WDR90: variants seen among roughly 807,000 people sequenced by gnomAD.
WDR90 encodes the protein WD repeat-containing protein 90.
Under a neutral mutation model 195.2 loss-of-function variants are expected in WDR90, and 238 were observed. That is an observed-to-expected ratio of 1.22 (90% confidence interval 1.10 to 1.36). WDR90 has a LOEUF of 1.36. Among genes scored for constraint, WDR90 ranks in the 40% most tolerant of loss-of-function variants. The pLI is 0.00. For missense variants in WDR90, 2,734 were observed against 2,439.5 expected, an observed-to-expected ratio of 1.12 and a Z score of -2.54; for synonymous variants, 1,265 against 1,052.4, an observed-to-expected ratio of 1.20 and a Z score of -3.91.
At chr16:649,313 T>C (rs1028316771), upstream of WDR90, 7 of 1,275,136 alleles carry the variant, frequency 5.5e-6, no homozygotes, top group African/African-American at 3.1e-5. Context: ...GCGGAAGTAA[T>C]GGCGGAAGTG....
rs199662983 is a variant in WDR90 at position 665,745 on chromosome 16, C to T, written c.4378C>T (p.Arg1460Trp). ...CATCSEDGSV[R>W]VWALASMELV... ...CACATGCAGTGAGGATGGGAGTGTG[C>T]GGGTGTGGGCCTTGGCCAGCATGGA... Residue 1460 changes from arginine (R) to tryptophan (W), a missense_variant, in exon 35 of 41, where the codon CGG becomes TGG. Arg to Trp is a moderately radical substitution (Grantham distance 101). Coordinates refer to ENST00000293879, the MANE Select transcript of WDR90 (RefSeq NM_145294.5). The T allele has an allele frequency of 3.0e-4, 486 of 1,597,472 alleles. No homozygotes were observed. The Admixed American group carries it at 3.1e-3, about 10-fold the overall frequency.
rs1020580439 is a variant in WDR90 at position 660,900 on chromosome 16, C to G, written c.3392-151C>G. The stretch of plus-strand genomic sequence containing the variant: ...TGTGAAGCACTTTGGCTACTGGACG[C>G]TGGGGAGGGCGCAGCTGGGACGATG... On this transcript the variant is annotated intron_variant, in intron 28 of 40. Transcript: ENST00000293879. 4.6e-5 allele frequency: 39 copies of G among 841,448 alleles called. No homozygotes were observed. The African/African-American group carries it at 7.5e-4, about 16-fold the overall frequency. The allele number at this position is 841,448 out of a possible 1,614,324, so 52.1% of individuals were successfully genotyped here. A position where few individuals can be genotyped will look rare whatever the true frequency, so the allele number is the denominator to read the frequency against.
In WDR90 at chr16:666,305, C is replaced by A; in HGVS notation, c.4695C>A (p.Asp1565Glu). 1.2e-6 allele frequency: 2 copies of A among 1,612,752 alleles called. No homozygotes were observed. The highest frequency in any genetic ancestry group is 1.7e-6 in the Non-Finnish European group (2 of 1,179,998). Reference sequence around the variant, plus strand: ...GGACAACCTTCCGTGTGCTGAGTGACCACCAGGGCGCCCCAATCTCTACCA... The same window carrying A: ...GGACAACCTTCCGTGTGCTGAGTGAACACCAGGGCGCCCCAATCTCTACCA... ...CTGTTFRVLS[D>E]HQGAPISTIC... Residue 1565 changes from aspartate (D) to glutamate (E), a missense_variant, in exon 37 of 41, where the codon GAC (aspartate) becomes GAA (glutamate). Coordinates refer to ENST00000293879, the MANE Select transcript of WDR90 (RefSeq NM_145294.5).
chr16:657,683 G>C, intron 20 of WDR90, 79 bp from the exon 21 acceptor site: 1 of 1,439,576 alleles, frequency 6.9e-7, no homozygotes. Flanking sequence ...TGGGGGCAGG[G>C]GCGGCGGCCT....
chr16:665,504 C>CAGGG (rs1356713906), intron 34 of WDR90, 175 bp from the exon 35 acceptor site: 36 of 973,200 alleles, frequency 3.7e-5, no homozygotes, highest in Non-Finnish European at 5.4e-5. Context: ...AGATCTAGTG[C>CAGGG]AGGGACACAC....
Position 651,633 on chromosome 16 carries a change from C to T in WDR90, c.737-11C>T. On this transcript the variant is annotated splice_polypyrimidine_tract_variant and intron_variant, in intron 7 of 40. Coordinates refer to ENST00000293879, the MANE Select transcript of WDR90 (RefSeq NM_145294.5). Reference sequence around the variant, plus strand: ...GCCCCTGGGTCACTGGGGTTCTTTGCTCTGTTCTAGTCCTCCTGGGGCCGG... The same window carrying T: ...GCCCCTGGGTCACTGGGGTTCTTTGTTCTGTTCTAGTCCTCCTGGGGCCGG... 11 of 1,611,460 alleles carry T rather than the reference C, an allele frequency of 6.8e-6. No homozygotes were observed. The highest frequency in any genetic ancestry group is 9.3e-6 in the Non-Finnish European group (11 of 1,179,524).
At chr16:657,976 G>A (rs1240595050) in intron 21 of WDR90, 84 bp downstream of exon 21, 22 of 1,472,088 alleles carry the variant, frequency 1.5e-5, no homozygotes, top group African/African-American at 7.1e-5. Flanking sequence ...ACGGCCACTC[G>A]GGAGCAGGAC....
At chr16:662,461 A>G (rs2037937934) in intron 33 of WDR90, 130 bp downstream of exon 33, 28 of 1,301,754 alleles carry the variant, frequency 2.2e-5, no homozygotes, top group Non-Finnish European at 2.9e-5. Flanking sequence ...CCTCCAAGGG[A>G]CAGGCTTGGG....
rs1255927649 is a variant in WDR90 at position 660,868 on chromosome 16, G to T, written c.3391+154G>T. ...GGTAGCGCCTCCTGGCGCTCCAGCC[G>T]AGGTCCTGTGAAGCACTTTGGCTAC... On this transcript the variant is annotated intron_variant, in intron 28 of 40. Transcript: ENST00000293879. 3.4e-5 allele frequency: 33 copies of T among 970,534 alleles called. 1 individual carries two copies. Among genetic ancestry groups the T allele is most frequent in the Non-Finnish European group, 1.4e-6 (1 of 690,080 alleles). The allele number at this position is 970,534 out of a possible 1,614,324, so 60.1% of individuals were successfully genotyped here. A position where few individuals can be genotyped will look rare whatever the true frequency, so the allele number is the denominator to read the frequency against.
At chr16:664,237 C>T (rs1222103579) in intron 34 of WDR90, among the ~76,000 whole-genome samples, 1 of 152,154 alleles carries the variant, frequency 6.6e-6, no homozygotes, top group Non-Finnish European at 1.5e-5. Context: ...CTCCCTGCTT[C>T]CCGCCTCCCC....
chr16:656,677 G>A, intron 18 of WDR90, 55 bp from the exon 19 acceptor site: 2 of 1,582,908 alleles, frequency 1.3e-6, no homozygotes, highest in Non-Finnish European at 1.7e-6. Context: ...CGCCTGGAGA[G>A]CCCCTGGGCC....
In WDR90 at chr16:662,677, AGTTCTGT is replaced by A; in HGVS notation, c.4149_4155del (p.Val1384TrpfsTer12). 6.5e-7 allele frequency: 1 copy of A among 1,541,066 alleles called. No homozygotes were observed. The highest frequency in any genetic ancestry group is 8.8e-7 in the Non-Finnish European group (1 of 1,141,308). On this transcript the variant is annotated splice_acceptor_variant and coding_sequence_variant, in exon 34 of 41. Coordinates refer to ENST00000293879, the MANE Select transcript of WDR90 (RefSeq NM_145294.5). LOFTEE classifies it high-confidence loss of function. Reference sequence around the variant, plus strand: ...TCTCCTTCCCTGCACCCTGAGGTCCAGTTCTGTGTTCATGGAACACGAGCTGGTGCTG... The same window carrying A: ...TCTCCTTCCCTGCACCCTGAGGTCCAGTTCATGGAACACGAGCTGGTGCTG...
At chr16:653,488 C>T (rs764332391) in intron 11 of WDR90, 37 bp downstream of exon 11, 2 of 1,612,422 alleles carry the variant, frequency 1.2e-6, no homozygotes, top group East Asian at 2.2e-5. Context: ...CTCACACCTG[C>T]AGCCCCTACA....
chr16:661,435 T>C lies in WDR90; in HGVS notation c.3607T>C (p.Phe1203Leu), dbSNP rs2037911178. Residue 1203 changes from phenylalanine (F) to leucine (L), a missense_variant, in exon 30 of 41, where the codon TTC (phenylalanine) becomes CTC (leucine). Transcript: ENST00000293879. ...VSGGLCQHLIFPHSTTVLALA... is the reference protein window; with the variant it reads ...VSGGLCQHLILPHSTTVLALA... ...TGGCGGCCTCTGCCAGCATCTCATT[T>C]TCCCCCATAGCACCACCGTGCTGGC... 1 of 1,612,384 alleles carries C rather than the reference T, an allele frequency of 6.2e-7. No individual in the cohort carries two copies. Among genetic ancestry groups the C allele is most frequent in the Non-Finnish European group, 8.5e-7 (1 of 1,179,898 alleles).
At position 655,792 on chromosome 16, in the gene WDR90, C is replaced by G; in HGVS notation, c.1869C>G (p.Ser623Arg). ...CCCCAGGCCCCGGCATTGCCATCAG[C>G]AGCCTCAGCGTCTCCCCGGCCATGT... ...TFSSGPGIAI[S>R]SLSVSPAMCA... Residue 623 changes from serine to arginine, a missense_variant, in exon 17 of 41, where the codon AGC (serine) becomes AGG (arginine). Physicochemically the swap from Ser to Arg is moderately radical, Grantham distance 110 (BLOSUM62 -1). Transcript: ENST00000293879. The G allele has an allele frequency of 6.3e-7, 1 of 1,589,442 alleles. No homozygotes were observed.
In WDR90 at chr16:662,329, C is replaced by T; in HGVS notation, c.4143C>T (p.Ala1381=). ...AGCTGAGGTGCAAGGGCTCAGGCGC[C>T]AGGTGAGCTGTTCACCCCTACGTGT... ...VSELRCKGSG[A]SSVFMEHELV... Residue 1381 remains alanine (A), a splice_region_variant and synonymous_variant, in exon 33 of 41, where the codon GCC becomes GCT. Transcript: ENST00000293879. 1 of 1,559,504 alleles carries T rather than the reference C, an allele frequency of 6.4e-7. No individual in the cohort carries two copies. The highest frequency in any genetic ancestry group is 8.7e-7 in the Non-Finnish European group (1 of 1,153,530).
At chr16:649,709 T>A in intron 1 of WDR90, 54 bp from the exon 2 acceptor site, 1 of 1,509,252 alleles carries the variant, frequency 6.6e-7, no homozygotes, top group South Asian at 1.2e-5. Context: ...AGCCCCGCAG[T>A]GGCCCCGGCT....
chr16:649,891 T>A, intron 2 of WDR90, 37 bp downstream of exon 2: 1 of 1,579,174 alleles, frequency 6.3e-7, no homozygotes, highest in South Asian at 1.1e-5. Context: ...CCCACACCCC[T>A]GCCCTGCCCC....
chr16:661,898 G>A lies in WDR90; in HGVS notation c.3872G>A (p.Arg1291Gln), dbSNP rs1470963480. Residue 1291 changes from arginine to glutamine, a missense_variant, in exon 32 of 41, where the codon CGA (arginine) becomes CAA (glutamine). Arg to Gln is a conservative substitution (Grantham distance 43, BLOSUM62 1). Coordinates refer to ENST00000293879, the MANE Select transcript of WDR90 (RefSeq NM_145294.5). Reference sequence around the variant, plus strand: ...ACTCTCATACTTTGCCAGGTGCGTCGAGAGCCAGTCCCAGAGGCAGTGGGG... The same window carrying A: ...ACTCTCATACTTTGCCAGGTGCGTCAAGAGCCAGTCCCAGAGGCAGTGGGG... Reference protein sequence around the residue: ...RGADISLQVRREPVPEAVGAG... With the variant: ...RGADISLQVRQEPVPEAVGAG... 3.1e-6 allele frequency: 5 copies of A among 1,609,014 alleles called. No homozygotes were observed. The highest frequency in any genetic ancestry group is 2.2e-5 in the East Asian group (1 of 44,806).
Sources: allele counts gnomAD v4.1 joint callset (sites outside exome capture counted in the v4.1 genomes callset), GRCh38; gene constraint gnomAD v4.1.1; transcripts MANE v1.5; gene names NCBI Gene and HGNC (gene_info 2026-07-23, HGNC 2026-07-21).